The following MALRD1 variants were observed in gnomAD, a reference collection of about 807,000 sequenced individuals.
MALRD1 encodes the protein MAM and LDL-receptor class A domain-containing protein 1.
Under a neutral mutation model 242.1 loss-of-function variants are expected in MALRD1, and 247 were observed. The ratio of observed to expected loss-of-function variants is 1.02; its 90% CI spans 0.92 to 1.13. The LOEUF (loss-of-function observed/expected upper bound fraction) is 1.13, where lower values mean the gene tolerates loss of function less well. Among genes scored for constraint, MALRD1 ranks in the 50% most tolerant of loss-of-function variants. The probability of loss-of-function intolerance (pLI) is 0.00; values close to 1 mark genes in which losing one functional copy is unlikely to be tolerated. For missense variants in MALRD1, 2,989 were observed against 2,533.1 expected, an observed-to-expected ratio of 1.18 and a Z score of -3.86; for synonymous variants, 995 against 866.6, an observed-to-expected ratio of 1.15 and a Z score of -2.60.
rs540103593 is a variant in MALRD1, at chr10:19,436,412, T to G, written c.4846-13895T>G. On this transcript the variant is annotated intron_variant, in intron 28 of 39. Coordinates refer to ENST00000454679, the MANE Select transcript of MALRD1 (RefSeq NM_001142308.3). Reference sequence around the variant, plus strand: ...GATCATTCCAGTCTTCTCCATTAGCTTAACTGTAATCTTTCACTCCAACAG... The same window carrying G: ...GATCATTCCAGTCTTCTCCATTAGCGTAACTGTAATCTTTCACTCCAACAG... 1.5e-4 allele frequency among the ~76,000 whole-genome samples: 23 copies of G among 152,312 alleles called. No individual in the cohort carries two copies. In the South Asian group the frequency reaches 4.1e-3, roughly 27 times the overall value.
At position 19,628,851 on chromosome 10, in the gene MALRD1, A is replaced by G. The variant is rs530902086; in HGVS notation, c.6137+12928A>G. 2.6e-5 allele frequency among the ~76,000 whole-genome samples: 4 copies of G among 152,308 alleles called. No homozygotes were observed. In the East Asian group the frequency reaches 7.7e-4, roughly 29 times the overall value. On this transcript the variant is annotated intron_variant, in intron 36 of 39. Transcript: ENST00000454679. ...AAGGCAGAGTCAGTTGGCTGCTTCT[A>G]ACAAAGTGTCCTGCGGATGAATGTG...
intron 38 of MALRD1, among the ~76,000 whole-genome samples, chr10:19,706,714 C>T (rs925440392): frequency 9.9e-5 from 15 of 152,036 alleles, no homozygotes; most frequent in Admixed American, 2.0e-4. Flanking sequence ...GATCCACCCT[C>T]CACCCATTGT....
intron 32 of MALRD1, among the ~76,000 whole-genome samples, chr10:19,561,573 C>G (rs1835963830): frequency 6.6e-6 from 1 of 152,064 alleles, no homozygotes; most frequent in Admixed American, 6.5e-5. Flanking sequence ...AATGCTATAC[C>G]AGGCCATTTG....
At chr10:19,434,787 A>G (rs1351604776) in intron 28 of MALRD1, among the ~76,000 whole-genome samples, 1 of 152,008 alleles carries the variant, frequency 6.6e-6, no homozygotes, top group Non-Finnish European at 1.5e-5. Context: ...AGGGCCACAC[A>G]TGTATAAAAT....
chr10:19,631,426 G>T (rs1458965609), intron 36 of MALRD1, among the ~76,000 whole-genome samples: 1 of 152,122 alleles, frequency 6.6e-6, no homozygotes, highest in Non-Finnish European at 1.5e-5. Flanking sequence ...CCATATCTTT[G>T]ATATTGTGAA....
chr10:19,069,293 A>G (rs1235226408), intron 2 of MALRD1, among the ~76,000 whole-genome samples: 1 of 152,074 alleles, frequency 6.6e-6, no homozygotes, highest in East Asian at 1.9e-4. Flanking sequence ...TAAAATTCAT[A>G]TATTATGAAA....
At chr10:19,705,353 T>C (rs950919983) in intron 38 of MALRD1, among the ~76,000 whole-genome samples, 27 of 152,186 alleles carry the variant, frequency 1.8e-4, no homozygotes, top group African/African-American at 6.0e-4. Flanking sequence ...CCAGAAATAC[T>C]TAGCCTTAGC....
At chr10:19,388,881 G>GAAAAAA (rs11405183) in intron 27 of MALRD1, among the ~76,000 whole-genome samples, 3 of 117,188 alleles carry the variant, frequency 2.6e-5, no homozygotes, top group Admixed American at 8.6e-5. Flanking sequence ...TAGGTCTACT[G>GAAAAAA]AAAAAAAAAA....
chr10:19,625,932 A>G (rs1839632633), intron 36 of MALRD1, among the ~76,000 whole-genome samples: 1 of 152,130 alleles, frequency 6.6e-6, no homozygotes, highest in Non-Finnish European at 1.5e-5. Context: ...TTCAAATATA[A>G]CATAGTACTC....
chr10:19,729,557 T>G (rs556692563), intron 38 of MALRD1, among the ~76,000 whole-genome samples: 2 of 151,298 alleles, frequency 1.3e-5, no homozygotes, highest in Non-Finnish European at 3.0e-5. Context: ...TTCTTATGTG[T>G]GTGTGTGTGT....
At chr10:19,729,721 CTTTTTTT>C (rs35279728) in intron 38 of MALRD1, among the ~76,000 whole-genome samples, 2 of 40,696 alleles carry the variant, frequency 4.9e-5, no homozygotes, top group African/African-American at 1.0e-4. Flanking sequence ...TCTATTAATT[CTTTTTTT>C]TTTTTTTTTT....
intron 28 of MALRD1, among the ~76,000 whole-genome samples, chr10:19,435,893 C>T (rs972181424): frequency 5.3e-5 from 8 of 152,106 alleles, no homozygotes; most frequent in African/African-American, 1.9e-4. Flanking sequence ...TTTATCTATT[C>T]TCCCATTTAT....
At chr10:19,063,277 T>A (rs1271696815) in intron 1 of MALRD1, among the ~76,000 whole-genome samples, 1 of 152,192 alleles carries the variant, frequency 6.6e-6, no homozygotes, top group Non-Finnish European at 1.5e-5. Flanking sequence ...TCATTAATAT[T>A]GACCCAGGGA....
At chr10:19,169,280 T>G (rs1834821643) in intron 13 of MALRD1, among the ~76,000 whole-genome samples, 1 of 152,140 alleles carries the variant, frequency 6.6e-6, no homozygotes, top group Non-Finnish European at 1.5e-5. Flanking sequence ...AGACTTTAGA[T>G]AAGGAACTGT....
intron 32 of MALRD1, among the ~76,000 whole-genome samples, chr10:19,542,173 A>G (rs1835000383): frequency 6.6e-6 from 1 of 152,188 alleles, no homozygotes; most frequent in Admixed American, 6.5e-5. Context: ...CTACAAACAG[A>G]CTAGGTGCAA....
intron 18 of MALRD1, among the ~76,000 whole-genome samples, chr10:19,255,833 A>C (rs1378537764): frequency 6.6e-6 from 1 of 152,084 alleles, no homozygotes; most frequent in Non-Finnish European, 1.5e-5. Context: ...ACATGAAGGA[A>C]ACTCCAAAGG....
chr10:19,493,216 G>T (rs973710424), intron 30 of MALRD1: 1 of 151,872 alleles, frequency 6.6e-6, no homozygotes, highest in Non-Finnish European at 1.5e-5. Flanking sequence ...CTCTATAAAA[G>T]ATCTTTCATT....
chr10:19,719,928 T>G (rs900307769), intron 38 of MALRD1, among the ~76,000 whole-genome samples: 1 of 152,164 alleles, frequency 6.6e-6, no homozygotes, highest in African/African-American at 2.4e-5. Context: ...TCTCTCTCTC[T>G]TTTTATTAGC....
intron 18 of MALRD1, among the ~76,000 whole-genome samples, chr10:19,212,203 C>G (rs1226557840): frequency 6.6e-6 from 1 of 152,176 alleles, no homozygotes; most frequent in Non-Finnish European, 1.5e-5. Flanking sequence ...TACTTCACCT[C>G]CAGTTTCCTG....
Sources: allele counts gnomAD v4.1 joint callset (sites outside exome capture counted in the v4.1 genomes callset), GRCh38; gene constraint gnomAD v4.1.1; transcripts MANE v1.5; gene names NCBI Gene and HGNC (gene_info 2026-07-23, HGNC 2026-07-21).